PIP4K2A: variants seen among roughly 807,000 people sequenced by gnomAD.
The protein encoded by PIP4K2A is phosphatidylinositol-5-phosphate 4-kinase type 2 alpha.
In PIP4K2A, 14 loss-of-function variants were observed where a neutral mutation model predicts 42.9. The ratio of observed to expected loss-of-function variants is 0.33; its 90% CI spans 0.22 to 0.51. The LOEUF (loss-of-function observed/expected upper bound fraction) is 0.51. Ranked by LOEUF, PIP4K2A falls within the 20% of genes least tolerant of loss-of-function variation. The pLI, the probability that PIP4K2A is intolerant of heterozygous loss-of-function variation, is 0.97. For missense variants in PIP4K2A, 434 were observed against 519.8 expected, an observed-to-expected ratio of 0.83 and a Z score of 1.61; for synonymous variants, 192 against 192.2, an observed-to-expected ratio of 1.00 and a Z score of 0.01.
At chr10:22,664,567 G>A (rs933898086) in intron 1 of PIP4K2A, among the ~76,000 whole-genome samples, 10 of 150,626 alleles carry the variant, frequency 6.6e-5, no homozygotes, top group Non-Finnish European at 1.3e-4. Context: ...AGAAGTTTTC[G>A]CTCTTATGTG....
intron 1 of PIP4K2A, among the ~76,000 whole-genome samples, chr10:22,707,150 C>T (rs1008324594): frequency 6.6e-6 from 1 of 152,140 alleles, no homozygotes; most frequent in African/African-American, 2.4e-5. Flanking sequence ...ACAGCTAGCA[C>T]ATTAAGAACT....
intron 3 of PIP4K2A, among the ~76,000 whole-genome samples, chr10:22,605,643 G>A (rs1023891666): frequency 6.6e-6 from 1 of 152,082 alleles, no homozygotes; most frequent in African/African-American, 2.4e-5. Flanking sequence ...AATGAATTGA[G>A]GAATCTAACA....
At chr10:22,537,324 G>T in intron 9 of PIP4K2A, 43 bp from the exon 10 acceptor site, 2 of 1,434,162 alleles carry the variant, frequency 1.4e-6, no homozygotes, top group Non-Finnish European at 9.6e-7. Context: ...TAGTGTTTAT[G>T]ATTTCCCCAA....
intron 6 of PIP4K2A, among the ~76,000 whole-genome samples, chr10:22,560,811 C>T (rs186466121): frequency 6.6e-6 from 1 of 152,140 alleles, no homozygotes; most frequent in African/African-American, 2.4e-5. Flanking sequence ...GGATGATGAA[C>T]AAAATGCATA....
chr10:22,664,134 T>TACAC, intron 1 of PIP4K2A, among the ~76,000 whole-genome samples: 1 of 45,930 alleles, frequency 2.2e-5, no homozygotes, highest in East Asian at 3.8e-4. Context: ...TATATACATA[T>TACAC]ATATATACAT....
At position 22,536,071 on chromosome 10, in the gene PIP4K2A, C is replaced by A; in HGVS notation, c.*1130G>T. The A allele has an allele frequency of 7.5e-6, 3 of 398,468 alleles. No individual in the cohort carries two copies. The East Asian group carries it at 1.1e-4, about 14-fold the overall frequency. 24.7% of individuals were successfully genotyped at this position (398,468 alleles called of 1,614,324 possible). Reference sequence around the variant, plus strand: ...ATGCTGTACATCAAATTTTTAGATTCAAAAGATATCCCTGTTTTCCTAATA... The same window carrying A: ...ATGCTGTACATCAAATTTTTAGATTAAAAAGATATCCCTGTTTTCCTAATA... On this transcript the variant is annotated 3_prime_UTR_variant, in exon 10 of 10. Coordinates refer to ENST00000376573, the MANE Select transcript of PIP4K2A (RefSeq NM_005028.5).
intron 1 of PIP4K2A, among the ~76,000 whole-genome samples, chr10:22,697,917 C>A (rs1463920296): frequency 6.6e-6 from 1 of 152,126 alleles, no homozygotes; most frequent in Non-Finnish European, 1.5e-5. Flanking sequence ...GACTAGTCTA[C>A]TTACATGGGA....
intron 3 of PIP4K2A, among the ~76,000 whole-genome samples, chr10:22,594,515 C>T (rs1462910927): frequency 1.3e-5 from 2 of 152,202 alleles, no homozygotes; most frequent in Non-Finnish European, 2.9e-5. Flanking sequence ...CGTGCCTCTG[C>T]CTCCTGAGTA....
At chr10:22,691,698 A>C (rs1839872130) in intron 1 of PIP4K2A, 1 of 152,230 alleles carries the variant, frequency 6.6e-6, no homozygotes, top group East Asian at 1.9e-4. Context: ...CTACAAGGGA[A>C]ACCCTGCTCC....
chr10:22,687,085 C>A (rs1436131472), intron 1 of PIP4K2A, among the ~76,000 whole-genome samples: 1 of 150,518 alleles, frequency 6.6e-6, no homozygotes, highest in Non-Finnish European at 1.5e-5. Flanking sequence ...GCTCATGATG[C>A]GGCATGCTAT....
chr10:22,563,963 T>TC (rs1213506164), intron 6 of PIP4K2A, among the ~76,000 whole-genome samples: 4 of 152,160 alleles, frequency 2.6e-5, no homozygotes, highest in African/African-American at 9.7e-5. Flanking sequence ...TACGTGTTCA[T>TC]ATTAGATACA....
intron 1 of PIP4K2A, among the ~76,000 whole-genome samples, chr10:22,647,308 CTGTGTGTGTGTGTGTA>C (rs953794081): frequency 2.1e-4 from 29 of 140,322 alleles, no homozygotes; most frequent in Admixed American, 1.9e-3. Flanking sequence ...TCTCTAAATA[CTGTGTGTGTGTGTGTA>C]TGTGTGTGTG....
intron 1 of PIP4K2A, among the ~76,000 whole-genome samples, chr10:22,639,667 C>G (rs1838737503): frequency 6.6e-6 from 1 of 151,988 alleles, no homozygotes; most frequent in Non-Finnish European, 1.5e-5. Flanking sequence ...AACTAAAATC[C>G]CTATGTGAAC....
chr10:22,628,563 C>T (rs1232257452), intron 1 of PIP4K2A, among the ~76,000 whole-genome samples: 1 of 152,106 alleles, frequency 6.6e-6, no homozygotes, highest in Non-Finnish European at 1.5e-5. Flanking sequence ...AACATGTGCC[C>T]AAGGAGGCTG....
At chr10:22,707,503 G>T (rs1484631912) in intron 1 of PIP4K2A, among the ~76,000 whole-genome samples, 1 of 152,126 alleles carries the variant, frequency 6.6e-6, no homozygotes, top group African/African-American at 2.4e-5. Flanking sequence ...TCTATGAAGG[G>T]AAAAACTGGT....
intron 1 of PIP4K2A, among the ~76,000 whole-genome samples, chr10:22,684,186 T>C (rs778018881): frequency 2.8e-4 from 43 of 152,200 alleles, no homozygotes; most frequent in Non-Finnish European, 4.0e-4. Flanking sequence ...TTTTCCCCAC[T>C]GGCTTGCTGT....
At position 22,540,159 on chromosome 10, in the gene PIP4K2A, G is replaced by T. The variant is rs146619762; in HGVS notation, c.1037-85C>A. 341 of 781,624 alleles carry T rather than the reference G, an allele frequency of 4.4e-4. 10 individuals are homozygous for T. In the African/African-American group the frequency reaches 5.3e-3, roughly 12 times the overall value. The allele number at this position is 781,624 out of a possible 1,614,324, so 48.4% of individuals were successfully genotyped here. ...TGCTGAGGGAGGGAGGGAGGGAGAAGTGAGCCTGGAGGGAGGGGATTCAAT... is the reference window on the plus strand; with the variant it reads ...TGCTGAGGGAGGGAGGGAGGGAGAATTGAGCCTGGAGGGAGGGGATTCAAT... On this transcript the variant is annotated intron_variant, in intron 8 of 9. Coordinates refer to ENST00000376573, the MANE Select transcript of PIP4K2A (RefSeq NM_005028.5).
At chr10:22,647,930 A>C (rs1477417240) in intron 1 of PIP4K2A, among the ~76,000 whole-genome samples, 5 of 152,278 alleles carry the variant, frequency 3.3e-5, no homozygotes, top group Non-Finnish European at 7.3e-5. Context: ...TCTTCCAAGA[A>C]AAGCATTTAG....
intron 4 of PIP4K2A, among the ~76,000 whole-genome samples, chr10:22,579,581 AC>A (rs1376555769): frequency 1.3e-5 from 2 of 152,166 alleles, no homozygotes; most frequent in African/African-American, 4.8e-5. Flanking sequence ...ATGCTCCCAT[AC>A]CAACCACAGA....
Sources: allele counts gnomAD v4.1 joint callset (sites outside exome capture counted in the v4.1 genomes callset), GRCh38; gene constraint gnomAD v4.1.1; transcripts MANE v1.5; gene names NCBI Gene and HGNC (gene_info 2026-07-23, HGNC 2026-07-21).